The following TBK1 variants were observed in gnomAD, a reference collection of about 807,000 sequenced individuals.
TBK1 encodes the protein TANK binding kinase 1, also known as serine/threonine-protein kinase TBK1.
In TBK1, 37 loss-of-function variants were observed where a neutral mutation model predicts 99.9. The observed-to-expected ratio is 0.37, with a 90% CI of 0.28 to 0.49. The LOEUF (loss-of-function observed/expected upper bound fraction) is 0.49, where lower values mean the gene tolerates loss of function less well. Ranked by LOEUF, TBK1 falls within the 20% of genes least tolerant of loss-of-function variation. The pLI, the probability that TBK1 is intolerant of heterozygous loss-of-function variation, is 0.98. For synonymous variants in TBK1, 258 were observed against 279.8 expected (o/e 0.92, Z 0.78); for missense variants, 644 against 872.5 (o/e 0.74, Z 3.30).
chr12:64,485,011 T>TA (rs1463055475), intron 9 of TBK1, among the ~76,000 whole-genome samples: 1 of 152,216 alleles, frequency 6.6e-6, no homozygotes, highest in East Asian at 1.9e-4. Flanking sequence ...CACTCAAAAT[T>TA]ACCTTTTATA....
Position 64,496,072 on chromosome 12 carries a change from T to C in TBK1, c.1721-295T>C, listed in dbSNP as rs1294522304. 10 of 360,870 alleles carry C rather than the reference T, an allele frequency of 2.8e-5. No homozygotes were observed. The South Asian group carries it at 4.4e-4, about 16-fold the overall frequency. 22.4% of individuals were successfully genotyped at this position (360,870 alleles called of 1,614,324 possible). On this transcript the variant is annotated intron_variant, in intron 15 of 20. Coordinates refer to ENST00000331710, the MANE Select transcript of TBK1 (RefSeq NM_013254.4). ...GGACTCATCTACAGGGGAGAGCCACTACTCATATTCACCAAAGGTATTGCC... is the reference window on the plus strand; with the variant it reads ...GGACTCATCTACAGGGGAGAGCCACCACTCATATTCACCAAAGGTATTGCC...
intron 1 of TBK1, among the ~76,000 whole-genome samples, chr12:64,453,888 G>C (rs778871774): frequency 6.6e-6 from 1 of 152,114 alleles, no homozygotes; most frequent in Non-Finnish European, 1.5e-5. Context: ...TTTATACTTG[G>C]AGGTTGGAGA....
At chr12:64,453,903 A>T (rs1015368891) in intron 1 of TBK1, among the ~76,000 whole-genome samples, 13 of 152,186 alleles carry the variant, frequency 8.5e-5, no homozygotes, top group Admixed American at 4.6e-4. Context: ...TGGAGAAACT[A>T]TCCTTAAATT....
intron 2 of TBK1, among the ~76,000 whole-genome samples, chr12:64,456,569 G>A (rs891097381): frequency 5.3e-5 from 8 of 152,110 alleles, no homozygotes; most frequent in Non-Finnish European, 8.8e-5. Flanking sequence ...GGCCGGGCGC[G>A]GTGGCTCACG....
At chr12:64,456,719 G>A (rs1250727430) in intron 2 of TBK1, among the ~76,000 whole-genome samples, 1 of 151,940 alleles carries the variant, frequency 6.6e-6, no homozygotes, top group Non-Finnish European at 1.5e-5. Flanking sequence ...GCGGGCGCCT[G>A]TAGTCCCAGC....
intron 6 of TBK1, 56 bp downstream of exon 6, chr12:64,474,446 T>A: frequency 1.3e-6 from 2 of 1,522,944 alleles, no homozygotes; most frequent in African/African-American, 2.8e-5. Context: ...ATTTCTGTCT[T>A]GGTTCATCTT....
chr12:64,491,017 A>C (rs1394141101), intron 13 of TBK1, among the ~76,000 whole-genome samples: 1 of 152,152 alleles, frequency 6.6e-6, no homozygotes, highest in Non-Finnish European at 1.5e-5. Context: ...GGCAGTAATT[A>C]CTTCTATAGC....
Position 64,464,481 on chromosome 12 carries a change from TATG to T in TBK1, c.358+21_358+23del, listed in dbSNP as rs777383184. On this transcript the variant is annotated intron_variant, in intron 4 of 20. Transcript: ENST00000331710. Reference sequence around the variant, plus strand: ...AGATGTGGGTATGTTTGTTTATTTATATGATATCATTTGTATATAAAATTTAAT... The same window carrying T: ...AGATGTGGGTATGTTTGTTTATTTATATATCATTTGTATATAAAATTTAAT... 7 of 1,531,714 alleles carry T rather than the reference TATG, an allele frequency of 4.6e-6. No homozygotes were observed. Among genetic ancestry groups the T allele is most frequent in the South Asian group, 2.5e-5 (2 of 78,506 alleles). The allele number at this position is 1,531,714 out of a possible 1,614,324, so 94.9% of individuals were successfully genotyped here.
chr12:64,460,590 C>G (rs767109434), intron 3 of TBK1, among the ~76,000 whole-genome samples: 83 of 152,182 alleles, frequency 5.5e-4, no homozygotes, highest in Non-Finnish European at 7.8e-4. Context: ...AATCCCAGCA[C>G]TTTGGGAGAC....
At chr12:64,492,209 G>A (rs867609316) in intron 13 of TBK1, among the ~76,000 whole-genome samples, 7 of 152,158 alleles carry the variant, frequency 4.6e-5, no homozygotes, top group African/African-American at 1.4e-4. Flanking sequence ...GGCCAGCATC[G>A]TTTGAGCACT....
At chr12:64,464,706 A>G (rs775049136) in intron 4 of TBK1, among the ~76,000 whole-genome samples, 1 of 152,178 alleles carries the variant, frequency 6.6e-6, no homozygotes, top group Non-Finnish European at 1.5e-5. Context: ...TTTGTAAATC[A>G]TACACCTGAC....
chr12:64,497,847 T>C, intron 19 of TBK1, 93 bp downstream of exon 19: 1 of 1,389,828 alleles, frequency 7.2e-7, no homozygotes, highest in Non-Finnish European at 1.0e-6. Context: ...TTTTTATGTT[T>C]GTTGTAATAC....
intron 6 of TBK1, among the ~76,000 whole-genome samples, chr12:64,477,485 T>C (rs886618074): frequency 2.0e-5 from 3 of 152,242 alleles, no homozygotes; most frequent in African/African-American, 4.8e-5. Context: ...ATGCTACTGA[T>C]TGTTCTACAT....
chr12:64,495,926 T>TTAA, intron 15 of TBK1, 151 bp downstream of exon 15: 75 of 385,752 alleles, frequency 1.9e-4, no homozygotes, highest in South Asian at 4.2e-4. Flanking sequence ...TTGATTGTGT[T>TTAA]AAAAAAAAAA....
intron 6 of TBK1, among the ~76,000 whole-genome samples, chr12:64,475,193 G>A (rs1174032414): frequency 6.6e-6 from 1 of 152,092 alleles, no homozygotes; most frequent in East Asian, 1.9e-4. Flanking sequence ...TTCCAGTGTT[G>A]CAGATTTGGA....
chr12:64,490,294 G>A (rs2040856942), intron 13 of TBK1, among the ~76,000 whole-genome samples, 175 bp downstream of exon 13: 2 of 152,102 alleles, frequency 1.3e-5, no homozygotes, highest in South Asian at 4.1e-4. Flanking sequence ...GCTGCAACGA[G>A]TTATGATGGT....
intron 18 of TBK1, 59 bp from the exon 19 acceptor site, chr12:64,497,586 GTAC>G: frequency 9.1e-7 from 1 of 1,098,690 alleles, no homozygotes; most frequent in South Asian, 1.5e-5. Context: ...TCTGTAGTAA[GTAC>G]TTTTGTTCTG....
At chr12:64,479,424 T>A (rs1174299086) in intron 6 of TBK1, among the ~76,000 whole-genome samples, 1 of 152,200 alleles carries the variant, frequency 6.6e-6, no homozygotes, top group Non-Finnish European at 1.5e-5. Flanking sequence ...CTAAATCAGT[T>A]GTGGTGGTTT....
At chr12:64,499,429 T>C (rs2040964090) in intron 20 of TBK1, among the ~76,000 whole-genome samples, 1 of 152,188 alleles carries the variant, frequency 6.6e-6, no homozygotes, top group South Asian at 2.1e-4. Context: ...ATAACATCTT[T>C]TAAACATTCG....
Sources: gnomAD v4.1 joint callset for allele counts (sites outside exome capture counted in the v4.1 genomes callset) on GRCh38, gnomAD v4.1.1 for gene constraint, MANE v1.5 for transcripts, NCBI Gene and HGNC (gene_info 2026-07-23, HGNC 2026-07-21) for gene names.